The following RPL17 variants were observed in gnomAD, a reference collection of about 807,000 sequenced individuals.
RPL17 encodes large ribosomal subunit protein uL22.
In RPL17, 2 loss-of-function variants were observed where a neutral mutation model predicts 27.7. That is an observed-to-expected ratio of 0.07 (90% CI 0.03 to 0.23). The LOEUF (loss-of-function observed/expected upper bound fraction) is 0.23, where lower values mean the gene tolerates loss of function less well. Ranked by LOEUF, RPL17 falls within the 10% of genes least tolerant of loss-of-function variation. RPL17 has a pLI of 1.00. For missense variants in RPL17, 141 were observed against 238.8 expected, an observed-to-expected ratio of 0.59 and a Z score of 2.70; for synonymous variants, 76 against 75.5, an observed-to-expected ratio of 1.01 and a Z score of -0.03.
chr18:49,492,433 G>C (rs957397960), intron 1 of RPL17, 25 bp downstream of exon 1: 3 of 152,460 alleles, frequency 2.0e-5, no homozygotes, highest in African/African-American at 7.2e-5. Context: ...TTGGGCCCTC[G>C]GAGCAACGCA....
At chr18:49,488,768 C>G (rs1186760691) in intron 6 of RPL17, among the ~76,000 whole-genome samples, 4 of 152,126 alleles carry the variant, frequency 2.6e-5, no homozygotes, top group African/African-American at 9.7e-5. Flanking sequence ...CTTAAAAGAA[C>G]TAAATGTGAT....
intron 1 of RPL17, chr18:49,492,019 A>G (rs2084140360): frequency 1.2e-5 from 4 of 342,578 alleles, no homozygotes; most frequent in South Asian, 9.3e-5. Flanking sequence ...CCTTCGGGCT[A>G]TGACCCACTT....
Position 49,490,597 on chromosome 18 carries a change from T to TA in RPL17, c.217-46dup, listed in dbSNP as rs755725602. The TA allele has an allele frequency of 7.4e-6, 12 of 1,611,586 alleles. No homozygotes were observed. The African/African-American group carries it at 1.6e-4, about 22-fold the overall frequency. Reference sequence around the variant, plus strand: ...ATGAGTCATTTTCCTTGATTTAAATTAACATTACAGCCAAGATGAATTTAT... The same window carrying TA: ...ATGAGTCATTTTCCTTGATTTAAATTAAACATTACAGCCAAGATGAATTTAT... On this transcript the variant is annotated intron_variant, in intron 4 of 6. Coordinates refer to ENST00000580261, the MANE Select transcript of RPL17 (RefSeq NM_001035006.5).
chr18:49,491,019 G>C, intron 3 of RPL17, 92 bp from the exon 4 acceptor site: 1 of 1,576,004 alleles, frequency 6.3e-7, no homozygotes, highest in Non-Finnish European at 8.6e-7. Context: ...TTTTCAAAAT[G>C]TCGAGTTATT....
At position 49,490,526 on chromosome 18, in the gene RPL17, A is replaced by G; in HGVS notation, c.243T>C (p.Gly81=). The change falls in exon 5 of 7, where the codon GGT becomes GGC. Residue 81 remains glycine (G), a synonymous_variant. Transcript: ENST00000580261. ...AQAKQWGWTQ[G]RWPKKSAEFL... ...ATTCAGCACTCTTTTTGGGCCACCG[A>G]CCTTGTGTCCAGCCCCATTGCTTGG... 1 of 1,614,022 alleles carries G rather than the reference A, an allele frequency of 6.2e-7. No homozygotes were observed. Among genetic ancestry groups the G allele is most frequent in the African/African-American group, 1.3e-5 (1 of 75,032 alleles).
At position 49,490,571 on chromosome 18, in the gene RPL17, G is replaced by A. The variant is rs764522739; in HGVS notation, c.217-19C>T. ...GCTTGGCCTGAAAGAAAATGGAGAT[G>A]ATGAGTCATTTTCCTTGATTTAAAT... On this transcript the variant is annotated intron_variant, in intron 4 of 6. Transcript: ENST00000580261. The A allele has an allele frequency of 1.1e-5, 18 of 1,613,382 alleles. No homozygotes were observed. The East Asian group carries it at 3.3e-4, about 30-fold the overall frequency.
At chr18:49,492,386 C>A (rs1358755650) in intron 1 of RPL17, 72 bp downstream of exon 1, 1 of 152,442 alleles carries the variant, frequency 6.6e-6, no homozygotes, top group African/African-American at 2.4e-5. Flanking sequence ...TGGAGGCCGG[C>A]GCCCCCGAAG....
chr18:49,489,664 G>A, intron 5 of RPL17, 114 bp from the exon 6 acceptor site: 1 of 1,134,896 alleles, frequency 8.8e-7, no homozygotes, highest in Non-Finnish European at 1.2e-6. Context: ...CTGCCTCAAT[G>A]AAATCATTTT....
chr18:49,490,169 T>TGG, intron 5 of RPL17: 2 of 347,448 alleles, frequency 5.8e-6, no homozygotes, highest in South Asian at 3.6e-5. Flanking sequence ...TAAAAGCCCC[T>TGG]GGTAAAGTAC....
intron 6 of RPL17, 53 bp from the exon 7 acceptor site, chr18:49,488,619 G>T: frequency 9.3e-7 from 1 of 1,079,568 alleles, no homozygotes; most frequent in Non-Finnish European, 1.4e-6. Context: ...AGTACATCTT[G>T]GAGGACTTCA....
chr18:49,490,069 G>C (rs1342729449), intron 5 of RPL17, among the ~76,000 whole-genome samples: 1 of 152,186 alleles, frequency 6.6e-6, no homozygotes, highest in African/African-American at 2.4e-5. Flanking sequence ...TCTCCATTAT[G>C]AAGGTAGGCC....
Position 49,491,587 on chromosome 18 carries a change from A to G in RPL17, c.-13-3T>C, listed in dbSNP as rs771715417. The G allele has an allele frequency of 1.9e-6, 3 of 1,614,074 alleles. No individual in the cohort carries two copies. The highest frequency in any genetic ancestry group is 3.3e-5 in the Admixed American group (2 of 60,000). ...AGCGAACCATTTTCACAGATCACCT[A>G]GAGGAAAGTACAGTGTAATTCTGTC... On this transcript the variant is annotated splice_region_variant and splice_polypyrimidine_tract_variant and intron_variant, in intron 1 of 6. Transcript: ENST00000580261.
At chr18:49,491,745 C>T in intron 1 of RPL17, 161 bp from the exon 2 acceptor site, 1 of 963,182 alleles carries the variant, frequency 1.0e-6, no homozygotes, top group South Asian at 1.3e-5. Flanking sequence ...CTTTCCCCCA[C>T]CAAGGGCTTG....
intron 1 of RPL17, chr18:49,492,017 C>G (rs2084140046): frequency 2.0e-5 from 7 of 343,662 alleles, no homozygotes; most frequent in South Asian, 1.4e-4. Flanking sequence ...CACCTTCGGG[C>G]TATGACCCAC....
intron 1 of RPL17, 60 bp from the exon 2 acceptor site, chr18:49,491,644 A>G: frequency 6.3e-7 from 1 of 1,582,492 alleles, no homozygotes; most frequent in Non-Finnish European, 8.7e-7. Context: ...ATTCAGTATA[A>G]ATATCAGATG....
chr18:49,490,738 C>T, intron 4 of RPL17, 55 bp downstream of exon 4: 1 of 1,611,808 alleles, frequency 6.2e-7, no homozygotes, highest in Non-Finnish European at 8.5e-7. Context: ...CTTATCCTAT[C>T]CCATCACTTT....
At position 49,491,411 on chromosome 18, in the gene RPL17, G is replaced by A; in HGVS notation, c.75C>T (p.His25=). The A allele has an allele frequency of 1.2e-6, 2 of 1,614,150 alleles. No homozygotes were observed. Among genetic ancestry groups the A allele is most frequent in the African/African-American group, 1.3e-5 (1 of 75,024 alleles). ...ACAACTATGAATCGCATACCTTAAA[G>A]TGAACACGAAGATTGGAACCTCTTG... ...CKSRGSNLRV[H]FKNTRETAQA... is the part of the protein sequence containing the mutation. The change falls in exon 3 of 7, where the codon CAC becomes CAT. Residue 25 remains histidine, a synonymous_variant. Transcript: ENST00000580261.
At chr18:49,492,072 C>A (rs58203060) in intron 1 of RPL17, 1 of 218,084 alleles carries the variant, frequency 4.6e-6, no homozygotes, top group South Asian at 6.4e-5. Flanking sequence ...TAACGTGTTA[C>A]GCCTCCACCC....
chr18:49,491,069 C>G (rs539564330), intron 3 of RPL17, 142 bp from the exon 4 acceptor site: 2 of 1,365,894 alleles, frequency 1.5e-6, no homozygotes, highest in African/African-American at 2.9e-5. Flanking sequence ...AAACTTGTGA[C>G]TAAAAGCCAG....
Sources: gnomAD v4.1 joint callset for allele counts (sites outside exome capture counted in the v4.1 genomes callset) on GRCh38, gnomAD v4.1.1 for gene constraint, MANE v1.5 for transcripts, NCBI Gene and HGNC (gene_info 2026-07-23, HGNC 2026-07-21) for gene names.